SGMS2: variants seen among roughly 807,000 people sequenced by gnomAD.
SGMS2 encodes phosphatidylcholine:ceramide cholinephosphotransferase 2.
A neutral mutation model predicts 43.8 loss-of-function variants in SGMS2; 21 were observed. The ratio of observed to expected loss-of-function variants is 0.48; its 90% CI spans 0.34 to 0.69. SGMS2 has a LOEUF of 0.69. SGMS2 is among the 30% of genes least tolerant of loss of function. The pLI is 0.01. For missense variants in SGMS2, 384 were observed against 443.2 expected (o/e 0.87, Z 1.20); for synonymous variants, 167 against 160.6 (o/e 1.04, Z -0.30).
rs535554499 is a variant in SGMS2, at chr4:107,844,622, C to T, written c.-326-13850C>T. 7.2e-5 allele frequency among the ~76,000 whole-genome samples: 11 copies of T among 152,276 alleles called. No homozygotes were observed. In the South Asian group the frequency reaches 2.3e-3, roughly 32 times the overall value. ...TGGAGAATCTGAGGTGGGAGGATCA[C>T]CTGACCTCAGGAGGTCAAGGCTGCA... On this transcript the variant is annotated intron_variant, in intron 1 of 6. Transcript: ENST00000690982.
At chr4:107,851,217 A>G (rs1208620701) in intron 1 of SGMS2, among the ~76,000 whole-genome samples, 1 of 152,206 alleles carries the variant, frequency 6.6e-6, no homozygotes, top group Admixed American at 6.5e-5. Flanking sequence ...TGCCATGCTC[A>G]TGGTACACCT....
At chr4:107,825,578 C>CTG (rs1293573587) in intron 1 of SGMS2, among the ~76,000 whole-genome samples, 2 of 149,660 alleles carry the variant, frequency 1.3e-5, no homozygotes, top group African/African-American at 2.5e-5. Flanking sequence ...GGAGGAGGGA[C>CTG]TGTGTGTGTG....
intron 6 of SGMS2, 40 bp downstream of exon 6, chr4:107,908,771 G>T (rs140791913): frequency 1.3e-6 from 2 of 1,571,482 alleles, no homozygotes; most frequent in African/African-American, 2.7e-5. Context: ...TCTTTTCTTT[G>T]AATGCAGTGG....
At chr4:107,833,152 C>T (rs939262712) in intron 1 of SGMS2, among the ~76,000 whole-genome samples, 1 of 152,218 alleles carries the variant, frequency 6.6e-6, no homozygotes, top group African/African-American at 2.4e-5. Flanking sequence ...ATTCTCCCAT[C>T]CCCCACTCAG....
At chr4:107,840,585 CAGTA>C (rs1372360745) in intron 1 of SGMS2, among the ~76,000 whole-genome samples, 1 of 152,140 alleles carries the variant, frequency 6.6e-6, no homozygotes, top group Non-Finnish European at 1.5e-5. Flanking sequence ...AACTTGGACA[CAGTA>C]AGAGGTAAAA....
intron 1 of SGMS2, among the ~76,000 whole-genome samples, chr4:107,842,576 T>A (rs75329607): frequency 2.0e-5 from 3 of 152,278 alleles, no homozygotes; most frequent in Non-Finnish European, 4.4e-5. Flanking sequence ...GAGTGAGACA[T>A]TTAGATCAAA....
At chr4:107,896,086 C>G in intron 3 of SGMS2, 78 bp downstream of exon 3, 1 of 1,320,470 alleles carries the variant, frequency 7.6e-7, no homozygotes, top group Non-Finnish European at 1.0e-6. Flanking sequence ...GATTATTTTT[C>G]CTTTTTTTCC....
intron 1 of SGMS2, among the ~76,000 whole-genome samples, chr4:107,849,627 G>A (rs1166679469): frequency 6.6e-6 from 1 of 152,034 alleles, no homozygotes; most frequent in East Asian, 1.9e-4. Context: ...GTGGTCCACA[G>A]AATTAAAGTG....
chr4:107,910,312 A>G, intron 6 of SGMS2, 38 bp from the exon 7 acceptor site: 4 of 1,529,684 alleles, frequency 2.6e-6, no homozygotes, highest in African/African-American at 2.7e-5. Flanking sequence ...AAATTGAGAA[A>G]GATATGTCTC....
chr4:107,901,604 G>A (rs914951501), intron 4 of SGMS2, among the ~76,000 whole-genome samples: 1 of 152,132 alleles, frequency 6.6e-6, no homozygotes, highest in African/African-American at 2.4e-5. Context: ...TAGTTTTCCA[G>A]TTGCCTGCTC....
chr4:107,897,517 GA>G (rs1730772594), intron 3 of SGMS2, among the ~76,000 whole-genome samples: 1 of 152,196 alleles, frequency 6.6e-6, no homozygotes, highest in Admixed American at 6.5e-5. Context: ...TGTGAAAAGA[GA>G]AATTGTCCAG....
intron 2 of SGMS2, among the ~76,000 whole-genome samples, chr4:107,884,540 A>G (rs1234630770): frequency 6.6e-6 from 1 of 152,206 alleles, no homozygotes; most frequent in Non-Finnish European, 1.5e-5. Context: ...CTGGGCCCCA[A>G]AATCACTAAG....
rs558257812 is a variant in SGMS2, at chr4:107,837,693, G to A, written c.-327+12440G>A. Among the ~76,000 whole-genome samples, 5 of 152,250 alleles carry A rather than the reference G, an allele frequency of 3.3e-5. No homozygotes were observed. In the South Asian group the frequency reaches 1.0e-3, roughly 32 times the overall value. On this transcript the variant is annotated intron_variant, in intron 1 of 6. Transcript: ENST00000690982. ...TGCTGGGCAGAGAGTGGAGTAGGAG[G>A]GGGTTAGAGCAGAAGCAAGGAGATG...
intron 2 of SGMS2, among the ~76,000 whole-genome samples, chr4:107,873,076 C>G (rs1178231588): frequency 6.6e-6 from 1 of 152,162 alleles, no homozygotes; most frequent in Non-Finnish European, 1.5e-5. Context: ...TTTTTATGCT[C>G]CGTTCTGATT....
chr4:107,844,759 C>G (rs1180865708), intron 1 of SGMS2, among the ~76,000 whole-genome samples: 3 of 152,086 alleles, frequency 2.0e-5, no homozygotes, highest in Non-Finnish European at 4.4e-5. Context: ...TAAAATGAAC[C>G]AATTTTAGAT....
intron 2 of SGMS2, chr4:107,864,470 G>C (rs531347475): frequency 2.6e-5 from 4 of 152,162 alleles, no homozygotes; most frequent in Non-Finnish European, 5.9e-5. Context: ...GGATGAAAAG[G>C]ATTGGGGAGT....
chr4:107,877,888 CTCTT>C (rs1194126461), intron 2 of SGMS2, among the ~76,000 whole-genome samples: 13 of 149,750 alleles, frequency 8.7e-5, no homozygotes, highest in South Asian at 6.4e-4. Flanking sequence ...TTCCACCTCA[CTCTT>C]TCTTTCTTTC....
chr4:107,840,440 A>G (rs996728238), intron 1 of SGMS2, among the ~76,000 whole-genome samples: 1 of 152,098 alleles, frequency 6.6e-6, no homozygotes, highest in Non-Finnish European at 1.5e-5. Flanking sequence ...TTTTCACCTC[A>G]TGTTCACAAT....
rs569539293 is a variant in SGMS2, at chr4:107,841,767, G to T, written c.-327+16514G>T. On this transcript the variant is annotated intron_variant, in intron 1 of 6. Coordinates refer to ENST00000690982, the MANE Select transcript of SGMS2 (RefSeq NM_001375905.1). ...CAGCTCAAATGATCCTCCCACCTCA[G>T]CTTCCCAAGTAACTGGGACTACCAT... is the stretch of plus-strand genomic sequence containing the variant. 5.9e-5 allele frequency among the ~76,000 whole-genome samples: 9 copies of T among 151,996 alleles called. 1 individual carries two copies. The South Asian group carries it at 1.7e-3, about 28-fold the overall frequency.
Sources: allele counts gnomAD v4.1 joint callset (sites outside exome capture counted in the v4.1 genomes callset), GRCh38; gene constraint gnomAD v4.1.1; transcripts MANE v1.5; gene names NCBI Gene and HGNC (gene_info 2026-07-23, HGNC 2026-07-21).